The following OLFM3 variants were observed in gnomAD, a reference collection of about 807,000 sequenced individuals.
OLFM3 encodes the protein olfactomedin 3, also known as noelin-3.
Under a neutral mutation model 48.6 loss-of-function variants are expected in OLFM3, and 20 were observed. That is an observed-to-expected ratio of 0.41 (90% confidence interval 0.29 to 0.60). OLFM3 has a LOEUF of 0.60. Among genes scored for constraint, OLFM3 ranks in the 20% least tolerant of loss-of-function variants. The probability of loss-of-function intolerance (pLI) is 0.28; values close to 1 mark genes in which losing one functional copy is unlikely to be tolerated. For missense variants in OLFM3, 437 were observed against 544.3 expected, an observed-to-expected ratio of 0.80 and a Z score of 1.96; for synonymous variants, 222 against 198.1, an observed-to-expected ratio of 1.12 and a Z score of -1.01.
intron 1 of OLFM3, among the ~76,000 whole-genome samples, chr1:101,842,361 C>A (rs575235640): frequency 6.6e-6 from 1 of 152,064 alleles, no homozygotes; most frequent in South Asian, 2.1e-4. Context: ...TAATGAGACC[C>A]CCTCATCTCT....
intron 1 of OLFM3, among the ~76,000 whole-genome samples, chr1:101,864,773 G>A (rs1427382063): frequency 3.3e-5 from 5 of 152,166 alleles, no homozygotes; most frequent in African/African-American, 1.2e-4. Flanking sequence ...CTCAGTGGCT[G>A]TAAATCCTTT....
intron 1 of OLFM3, among the ~76,000 whole-genome samples, chr1:101,842,444 C>T (rs764726561): frequency 1.9e-4 from 29 of 151,894 alleles, no homozygotes; most frequent in Non-Finnish European, 3.5e-4. Flanking sequence ...GATGGGGGGC[C>T]GCTGAAGTGG....
chr1:101,814,414 A>T (rs143504347), intron 4 of OLFM3, among the ~76,000 whole-genome samples: 1,689 of 152,280 alleles, frequency 0.011, 18 homozygotes, highest in Non-Finnish European at 0.017. Context: ...AACAAACTAA[A>T]CATATCATAC....
intron 1 of OLFM3, among the ~76,000 whole-genome samples, chr1:101,896,468 C>G (rs1570609540): frequency 1.4e-5 from 2 of 141,884 alleles, no homozygotes; most frequent in East Asian, 4.2e-4. Context: ...TTTTATTTTT[C>G]AATTTAGCAT....
chr1:101,959,399 T>A (rs1660400867), intron 1 of OLFM3, among the ~76,000 whole-genome samples: 1 of 151,720 alleles, frequency 6.6e-6, no homozygotes, highest in African/African-American at 2.4e-5. Flanking sequence ...TTTGGAGGCA[T>A]AAGGATGAGA....
At chr1:101,887,175 C>A (rs1403142772) in intron 1 of OLFM3, among the ~76,000 whole-genome samples, 1 of 148,914 alleles carries the variant, frequency 6.7e-6, no homozygotes, top group East Asian at 2.0e-4. Flanking sequence ...ATACAAATAT[C>A]AAGAAACAAA....
intron 1 of OLFM3, among the ~76,000 whole-genome samples, chr1:101,929,409 A>G (rs1366278815): frequency 2.6e-5 from 4 of 152,102 alleles, no homozygotes; most frequent in Non-Finnish European, 5.9e-5. Flanking sequence ...ACAGTCTTGT[A>G]CACTTGAATG....
intron 1 of OLFM3, among the ~76,000 whole-genome samples, chr1:101,957,788 A>G (rs1169578328): frequency 1.3e-5 from 2 of 152,060 alleles, no homozygotes; most frequent in African/African-American, 4.8e-5. Flanking sequence ...CAAATAACCA[A>G]TTCCAAGCAT....
intron 1 of OLFM3, among the ~76,000 whole-genome samples, chr1:101,863,722 TA>T (rs1188534947): frequency 6.6e-6 from 1 of 152,238 alleles, no homozygotes; most frequent in Non-Finnish European, 1.5e-5. Flanking sequence ...TGTGGTTATA[TA>T]ACTGACACAA....
chr1:101,810,016 C>T (rs1481944894), intron 4 of OLFM3, among the ~76,000 whole-genome samples: 1 of 151,940 alleles, frequency 6.6e-6, no homozygotes, highest in East Asian at 1.9e-4. Context: ...CCAACCATGA[C>T]AACATGGAAG....
intron 1 of OLFM3, among the ~76,000 whole-genome samples, chr1:101,981,171 T>C (rs1661095524): frequency 1.3e-5 from 2 of 152,138 alleles, no homozygotes; most frequent in Admixed American, 6.5e-5. Flanking sequence ...ATTCTTTTCT[T>C]CTCCCTACAC....
chr1:101,812,477 G>A (rs1185290462), intron 4 of OLFM3: 2 of 985,220 alleles, frequency 2.0e-6, no homozygotes, highest in Non-Finnish European at 2.4e-6. Context: ...TGTCTCAAAT[G>A]TCTGCATATT....
intron 1 of OLFM3, among the ~76,000 whole-genome samples, chr1:101,951,692 A>G (rs562535723): frequency 1.3e-5 from 2 of 152,300 alleles, no homozygotes; most frequent in East Asian, 1.9e-4. Flanking sequence ...GCAAACATGC[A>G]CTATTCTTGA....
At chr1:101,860,320 T>G (rs1656599817) in intron 1 of OLFM3, among the ~76,000 whole-genome samples, 1 of 152,072 alleles carries the variant, frequency 6.6e-6, no homozygotes, top group South Asian at 2.1e-4. Context: ...ATAAAAATAA[T>G]CTTATCCTTG....
At chr1:101,977,539 A>G (rs1660988565) in intron 1 of OLFM3, among the ~76,000 whole-genome samples, 1 of 152,176 alleles carries the variant, frequency 6.6e-6, no homozygotes, top group Non-Finnish European at 1.5e-5. Flanking sequence ...AGGGACACTA[A>G]GGATCACTAG....
chr1:101,869,640 T>G (rs928238196), intron 1 of OLFM3, among the ~76,000 whole-genome samples: 2 of 152,110 alleles, frequency 1.3e-5, no homozygotes, highest in East Asian at 3.9e-4. Context: ...CAGAACGATA[T>G]GTTATGGCTG....
chr1:101,836,687 T>A (rs780933012), intron 2 of OLFM3, among the ~76,000 whole-genome samples, 192 bp downstream of exon 2: 9 of 151,480 alleles, frequency 5.9e-5, no homozygotes, highest in Non-Finnish European at 1.3e-4. Context: ...AAGTAAAAAG[T>A]CATAGAAATA....
intron 1 of OLFM3, among the ~76,000 whole-genome samples, chr1:101,948,476 T>A (rs953392551): frequency 6.7e-6 from 1 of 149,592 alleles, no homozygotes; most frequent in African/African-American, 2.4e-5. Flanking sequence ...AGAGAGAGTT[T>A]TCGCTTAAGA....
intron 1 of OLFM3, among the ~76,000 whole-genome samples, chr1:101,871,969 G>A (rs904607040): frequency 6.6e-6 from 1 of 152,050 alleles, no homozygotes; most frequent in Admixed American, 6.6e-5. Flanking sequence ...TGATCACAAA[G>A]TCAGCTACTC....
Sources: allele counts gnomAD v4.1 joint callset (sites outside exome capture counted in the v4.1 genomes callset), GRCh38; gene constraint gnomAD v4.1.1; transcripts MANE v1.5; gene names NCBI Gene and HGNC (gene_info 2026-07-23, HGNC 2026-07-21).